CNTNAP2: variants seen among roughly 807,000 people sequenced by gnomAD.
CNTNAP2 encodes contactin-associated protein-like 2.
In CNTNAP2, 98 loss-of-function variants were observed where a neutral mutation model predicts 155.2. The ratio of observed to expected loss-of-function variants is 0.63; its 90% CI spans 0.54 to 0.75. The LOEUF is 0.75. Among genes scored for constraint, CNTNAP2 ranks in the 30% least tolerant of loss-of-function variants. CNTNAP2 has a pLI of 0.00. For synonymous variants in CNTNAP2, 651 were observed against 631.2 expected, an observed-to-expected ratio of 1.03 and a Z score of -0.47; for missense variants, 1,727 against 1,688.1, an observed-to-expected ratio of 1.02 and a Z score of -0.40.
chr7:147,943,766 C>CAAAAAAA (rs144842680), intron 14 of CNTNAP2, among the ~76,000 whole-genome samples: 15 of 40,168 alleles, frequency 3.7e-4, no homozygotes, highest in Non-Finnish European at 3.7e-4. Context: ...GACCCCGTCT[C>CAAAAAAA]AAAAAAAAAA....
At chr7:146,512,201 A>G (rs2129135576) in intron 1 of CNTNAP2, among the ~76,000 whole-genome samples, 1 of 151,842 alleles carries the variant, frequency 6.6e-6, no homozygotes. Flanking sequence ...GTCTACCTAA[A>G]GCTTTGTCAA....
chr7:147,008,407 T>C (rs1179808593), intron 3 of CNTNAP2, among the ~76,000 whole-genome samples: 3 of 152,152 alleles, frequency 2.0e-5, no homozygotes, highest in Non-Finnish European at 4.4e-5. Flanking sequence ...TTTAGTTTAC[T>C]ATACCTGGTG....
chr7:146,608,496 A>G (rs347197), intron 1 of CNTNAP2, among the ~76,000 whole-genome samples: 98,517 of 152,084 alleles, frequency 0.65, 33,219 homozygotes, highest in African/African-American at 0.8. Context: ...TACAGATTAC[A>G]TGCTTCAGTG....
chr7:147,066,736 G>A (rs993777837), intron 4 of CNTNAP2, among the ~76,000 whole-genome samples: 1 of 152,132 alleles, frequency 6.6e-6, no homozygotes, highest in African/African-American at 2.4e-5. Flanking sequence ...CAACCATGGT[G>A]GGTATTTATT....
intron 1 of CNTNAP2, among the ~76,000 whole-genome samples, chr7:146,314,087 C>T (rs572623086): frequency 2.6e-5 from 4 of 152,194 alleles, no homozygotes; most frequent in South Asian, 2.1e-4. Context: ...TATGAATATT[C>T]GGTTTTCCCA....
intron 1 of CNTNAP2, among the ~76,000 whole-genome samples, chr7:146,770,203 A>G (rs1298346234): frequency 2.0e-5 from 3 of 151,594 alleles, no homozygotes; most frequent in Non-Finnish European, 4.4e-5. Flanking sequence ...TTGTGGATTC[A>G]TTTATTACTG....
chr7:147,404,712 A>T (rs1796975865), intron 10 of CNTNAP2, among the ~76,000 whole-genome samples: 1 of 152,114 alleles, frequency 6.6e-6, no homozygotes, highest in Non-Finnish European at 1.5e-5. Context: ...TTCTTTTAGA[A>T]GGGAGGAGCT....
intron 8 of CNTNAP2, among the ~76,000 whole-genome samples, chr7:147,234,516 T>C (rs1438573251): frequency 6.6e-6 from 1 of 151,918 alleles, no homozygotes; most frequent in African/African-American, 2.4e-5. Flanking sequence ...TGTTTTTGTA[T>C]GTTTAGTAGA....
At chr7:147,862,880 C>T (rs761615817) in intron 13 of CNTNAP2, among the ~76,000 whole-genome samples, 1 of 151,984 alleles carries the variant, frequency 6.6e-6, no homozygotes, top group Non-Finnish European at 1.5e-5. Context: ...AAGGTATTAT[C>T]CAAGAAATTA....
intron 1 of CNTNAP2, among the ~76,000 whole-genome samples, chr7:146,585,749 AAGG>A (rs1480993959): frequency 5.2e-5 from 7 of 134,526 alleles, no homozygotes. Context: ...AAAAAGAAAG[AAGG>A]AAAGAAAGAA....
At chr7:148,274,376 G>A (rs1171514593) in intron 21 of CNTNAP2, among the ~76,000 whole-genome samples, 2 of 151,962 alleles carry the variant, frequency 1.3e-5, no homozygotes, top group African/African-American at 4.8e-5. Context: ...CGCACCCTTG[G>A]GTTTGATCTC....
chr7:147,072,620 A>G (rs916040296), intron 4 of CNTNAP2, among the ~76,000 whole-genome samples: 5 of 152,098 alleles, frequency 3.3e-5, no homozygotes, highest in African/African-American at 1.2e-4. Flanking sequence ...AGAAGGTAAA[A>G]TCTACAGAAC....
At chr7:147,692,862 G>A (rs967406550) in intron 13 of CNTNAP2, among the ~76,000 whole-genome samples, 2 of 151,916 alleles carry the variant, frequency 1.3e-5, no homozygotes, top group Non-Finnish European at 2.9e-5. Context: ...AGTCTAGCTT[G>A]CCATTTTTTC....
intron 1 of CNTNAP2, among the ~76,000 whole-genome samples, chr7:146,566,563 G>A (rs1331103547): frequency 6.6e-6 from 1 of 152,058 alleles, no homozygotes; most frequent in Non-Finnish European, 1.5e-5. Flanking sequence ...TGGGCGTGGT[G>A]GCAGGCGCCT....
chr7:146,712,445 A>G (rs1447651819), intron 1 of CNTNAP2, among the ~76,000 whole-genome samples: 1 of 148,732 alleles, frequency 6.7e-6, no homozygotes, highest in African/African-American at 2.4e-5. Flanking sequence ...CAGAAGAGGA[A>G]GATAATAATT....
At chr7:147,334,335 T>A (rs1795628604) in intron 9 of CNTNAP2, among the ~76,000 whole-genome samples, 1 of 152,208 alleles carries the variant, frequency 6.6e-6, no homozygotes, top group Admixed American at 6.5e-5. Flanking sequence ...GAATTGCTTG[T>A]CTCTTTCTTC....
chr7:147,588,372 T>C (rs1021933918), intron 12 of CNTNAP2, among the ~76,000 whole-genome samples: 3 of 152,060 alleles, frequency 2.0e-5, no homozygotes, highest in African/African-American at 7.2e-5. Context: ...GAACAAACAT[T>C]TCAAAAGAGG....
At chr7:148,211,889 A>G (rs1451840901) in intron 18 of CNTNAP2, among the ~76,000 whole-genome samples, 1 of 152,244 alleles carries the variant, frequency 6.6e-6, no homozygotes, top group Non-Finnish European at 1.5e-5. Context: ...TACTGAGTCT[A>G]AAATAAATTT....
At chr7:148,066,790 G>A (rs959384705) in intron 15 of CNTNAP2, among the ~76,000 whole-genome samples, 7 of 152,090 alleles carry the variant, frequency 4.6e-5, no homozygotes, top group Non-Finnish European at 8.8e-5. Context: ...GAGCCACCGC[G>A]CCCAGCCTTA....
Sources: gnomAD v4.1 joint callset for allele counts (sites outside exome capture counted in the v4.1 genomes callset) on GRCh38, gnomAD v4.1.1 for gene constraint, MANE v1.5 for transcripts, NCBI Gene and HGNC (gene_info 2026-07-23, HGNC 2026-07-21) for gene names.